Variants in UNC13C observed in about 807,000 individuals in gnomAD.
The protein encoded by UNC13C is protein unc-13 homolog C.
UNC13C carries 174 observed loss-of-function variants against 245.4 expected under a neutral mutation model. The observed-to-expected ratio is 0.71, with a 90% CI of 0.63 to 0.80. The LOEUF is 0.80. Ranked by LOEUF, UNC13C falls within the 30% of genes least tolerant of loss-of-function variation. The pLI is 0.00. For synonymous variants in UNC13C, 992 were observed against 895.1 expected (o/e 1.11, Z -1.93); for missense variants, 2,829 against 2,602.9 (o/e 1.09, Z -1.89).
intron 28 of UNC13C, among the ~76,000 whole-genome samples, chr15:54,552,728 ATAATATAATATATATTATATAGT>A (rs1205886756): frequency 1.3e-5 from 1 of 78,014 alleles, no homozygotes; most frequent in African/African-American, 5.3e-5. Flanking sequence ...TGTACAATAT[ATAATATAATATATATTATATAGT>A]ACAATATATA....
intron 2 of UNC13C, among the ~76,000 whole-genome samples, chr15:54,105,372 G>A (rs1439811048): frequency 6.6e-6 from 1 of 152,108 alleles, no homozygotes; most frequent in Non-Finnish European, 1.5e-5. Context: ...CCCACCTGCT[G>A]CATCTCAATG....
At chr15:53,876,580 A>G in the UNC13C span, among the ~76,000 whole-genome samples, 3 of 152,198 alleles carry the variant, frequency 2.0e-5, no homozygotes, top group African/African-American at 7.2e-5. Context: ...CTTGGAAATC[A>G]AAACAGAAGA....
intron 2 of UNC13C, among the ~76,000 whole-genome samples, chr15:54,032,931 C>T (rs1393543950): frequency 1.3e-5 from 2 of 152,098 alleles, no homozygotes; most frequent in Admixed American, 6.5e-5. Flanking sequence ...GGGAGCTAAT[C>T]TATGAGGAAG....
rs1268154985 is a variant in UNC13C at position 54,596,123 on chromosome 15, G to T, written c.6107-26204G>T. 2.6e-5 allele frequency among the ~76,000 whole-genome samples: 4 copies of T among 152,150 alleles called. No homozygotes were observed. The South Asian group carries it at 6.2e-4, about 24-fold the overall frequency. ...GACTGAGTCAAGTTGAATTGGACAG[G>T]GTTTGAGCTACTGAATCTGGAGGTT... On this transcript the variant is annotated intron_variant, in intron 30 of 32. Coordinates refer to ENST00000260323, the MANE Select transcript of UNC13C (RefSeq NM_001080534.3).
At chr15:54,292,109 A>C (rs982875903) in intron 10 of UNC13C, among the ~76,000 whole-genome samples, 1 of 151,978 alleles carries the variant, frequency 6.6e-6, no homozygotes, top group African/African-American at 2.4e-5. Flanking sequence ...TCAAAATGGA[A>C]AGGAAGCCTT....
intron 19 of UNC13C, among the ~76,000 whole-genome samples, chr15:54,455,205 C>CTCTCTCTCTCTATATA (rs1388065398): frequency 5.8e-4 from 11 of 18,950 alleles, no homozygotes; most frequent in African/African-American, 5.7e-4. Flanking sequence ...CTCTCTCTCT[C>CTCTCTCTCTCTATATA]TATATATATA....
At chr15:54,051,483 T>C (rs1327479178) in intron 2 of UNC13C, among the ~76,000 whole-genome samples, 1 of 152,138 alleles carries the variant, frequency 6.6e-6, no homozygotes, top group African/African-American at 2.4e-5. Flanking sequence ...AGTCTCTCTA[T>C]TCAATGTACT....
downstream of UNC13C, chr15:54,633,239 C>T (rs895972689): frequency 6.6e-6 from 1 of 152,092 alleles, no homozygotes; most frequent in Non-Finnish European, 1.5e-5. Context: ...TACAAACAAC[C>T]GATGTCTTAA....
At chr15:54,587,895 T>C (rs1898575676) in intron 30 of UNC13C, among the ~76,000 whole-genome samples, 1 of 152,256 alleles carries the variant, frequency 6.6e-6, no homozygotes, top group Non-Finnish European at 1.5e-5. Context: ...TTTTAATGAC[T>C]AATTGAGTCA....
the UNC13C span, among the ~76,000 whole-genome samples, chr15:53,905,291 T>C: frequency 2.0e-5 from 3 of 152,008 alleles, no homozygotes; most frequent in African/African-American, 4.8e-5. Context: ...AGCCAAGATA[T>C]AGAAACAATC....
chr15:54,597,143 C>T (rs1899133566), intron 30 of UNC13C, among the ~76,000 whole-genome samples: 1 of 152,126 alleles, frequency 6.6e-6, no homozygotes, highest in African/African-American at 2.4e-5. Flanking sequence ...GTTCATGTTC[C>T]TGTGAGAATC....
At chr15:54,216,421 G>A (rs549649946) in intron 4 of UNC13C, among the ~76,000 whole-genome samples, 1 of 152,036 alleles carries the variant, frequency 6.6e-6, no homozygotes, top group Non-Finnish European at 1.5e-5. Flanking sequence ...AAAAATGTCA[G>A]GGAAAATAAT....
chr15:54,166,973 A>T (rs184751725), intron 4 of UNC13C, among the ~76,000 whole-genome samples: 15 of 152,338 alleles, frequency 9.8e-5, no homozygotes, highest in African/African-American at 9.6e-5. Flanking sequence ...AAGAATTGAC[A>T]ATCTGGTTCT....
chr15:54,143,079 T>C lies in UNC13C; in HGVS notation c.3006+39T>C, dbSNP rs376869458. ...CTTATTCTTCCCTCCTGAGGAATCT[T>C]GTCTTTTGTACATGTTTGTTTGTGA... is the stretch of plus-strand genomic sequence containing the variant. On this transcript the variant is annotated intron_variant, in intron 3 of 32. Coordinates refer to ENST00000260323, the MANE Select transcript of UNC13C (RefSeq NM_001080534.3). 5.1e-5 allele frequency: 81 copies of C among 1,584,210 alleles called. 1 individual carries two copies. The African/African-American group carries it at 9.3e-4, about 18-fold the overall frequency.
At chr15:54,395,773 G>A (rs111595267) in intron 18 of UNC13C, among the ~76,000 whole-genome samples, 270 of 151,768 alleles carry the variant, frequency 1.8e-3, no homozygotes, top group Admixed American at 3.7e-3. Flanking sequence ...TTACAGTGAC[G>A]GTAGACTATA....
intron 19 of UNC13C, among the ~76,000 whole-genome samples, chr15:54,415,999 G>C (rs2040511888): frequency 6.6e-6 from 1 of 152,194 alleles, no homozygotes; most frequent in African/African-American, 2.4e-5. Flanking sequence ...CAGAGCACTA[G>C]CAATTAGAGA....
intron 2 of UNC13C, among the ~76,000 whole-genome samples, chr15:54,028,909 TGTG>T (rs961584610): frequency 3.9e-5 from 6 of 152,146 alleles, no homozygotes; most frequent in South Asian, 4.1e-4. Context: ...TCACTTAAAA[TGTG>T]GTGATAAAAT....
chr15:54,375,039 G>T (rs1376697333), intron 17 of UNC13C, among the ~76,000 whole-genome samples: 2 of 152,176 alleles, frequency 1.3e-5, no homozygotes, highest in African/African-American at 2.4e-5. Context: ...GTATGGCTAT[G>T]GTAAACCATG....
chr15:53,937,553 G>A, the UNC13C span, among the ~76,000 whole-genome samples: 2 of 152,154 alleles, frequency 1.3e-5, no homozygotes, highest in African/African-American at 4.8e-5. Flanking sequence ...GATACTCCAT[G>A]AGAAGATCAA....
Sources: gnomAD v4.1 joint callset for allele counts (sites outside exome capture counted in the v4.1 genomes callset) on GRCh38, gnomAD v4.1.1 for gene constraint, MANE v1.5 for transcripts, NCBI Gene and HGNC (gene_info 2026-07-23, HGNC 2026-07-21) for gene names.